The following GSG1 variants were observed in gnomAD, a reference collection of about 807,000 sequenced individuals.
The protein encoded by GSG1 is germ cell-specific gene 1 protein.
GSG1 carries 28 observed loss-of-function variants against 30.8 expected under a neutral mutation model. That is an observed-to-expected ratio of 0.91 (90% confidence interval 0.67 to 1.25). The LOEUF (loss-of-function observed/expected upper bound fraction) is 1.25. Ranked by LOEUF, GSG1 falls within the 50% of genes most tolerant of loss-of-function variation. The pLI is 0.00. For missense variants in GSG1, 435 were observed against 444.7 expected (o/e 0.98, Z 0.20); for synonymous variants, 162 against 178.0 (o/e 0.91, Z 0.71).
intron 1 of GSG1, among the ~76,000 whole-genome samples, chr12:13,099,750 G>GTTTTGTTTTTTTTTTTTTTTT: frequency 8.7e-6 from 1 of 114,834 alleles, no homozygotes; most frequent in Non-Finnish European, 1.8e-5. Context: ...GTTTTTTTTT[G>GTTTTGTTTTTTTTTTTTTTTT]TTTTTTTTTT....
chr12:13,095,581 G>A lies in GSG1; in HGVS notation c.49-4763C>T, dbSNP rs780271279. The A allele has an allele frequency of 2.5e-6, 4 of 1,613,344 alleles. No homozygotes were observed. The East Asian group carries it at 6.7e-5, about 27-fold the overall frequency. ...TGTAGACTGCATCCTTTGAGCAATAGGAGGGGAAGCCGGTTACCTTGGCCA... is the reference window on the plus strand; with the variant it reads ...TGTAGACTGCATCCTTTGAGCAATAAGAGGGGAAGCCGGTTACCTTGGCCA... On this transcript the variant is annotated intron_variant, in intron 1 of 6. Transcript: ENST00000651961.
In GSG1 at chr12:13,089,235, GA is replaced by G; in HGVS notation, c.405del (p.Arg136GlyfsTer50). On this transcript the variant is annotated frameshift_variant, in exon 3 of 7. Transcript: ENST00000651961. LOFTEE classifies it high-confidence loss of function. ...TTTGCTGCCGCTGTACCACTGGACC[GA>G]AGGGCTCTAAATTGTTTCCAGGACT... Reference protein sequence around the residue: ...HPQSWKQFRALRSSGTAAAKG... With the variant: ...HPQSWKQFRAXRSSGTAAAKG... 1 of 1,558,936 alleles carries G rather than the reference GA, an allele frequency of 6.4e-7. No individual in the cohort carries two copies. Among genetic ancestry groups the G allele is most frequent in the East Asian group, 2.4e-5 (1 of 41,772 alleles).
intron 1 of GSG1, among the ~76,000 whole-genome samples, chr12:13,098,538 T>A (rs142988526): frequency 7.7e-6 from 1 of 129,568 alleles, no homozygotes; most frequent in East Asian, 2.6e-4. Context: ...CCTCAAATAC[T>A]TCCCATGGGA....
At chr12:13,096,274 C>A (rs895979469) in intron 1 of GSG1, among the ~76,000 whole-genome samples, 26 of 151,794 alleles carry the variant, frequency 1.7e-4, no homozygotes, top group African/African-American at 4.6e-4. Context: ...GAGATTGAGA[C>A]CATCCTGGCT....
intron 1 of GSG1, among the ~76,000 whole-genome samples, chr12:13,098,635 C>T (rs1326545389): frequency 6.6e-6 from 1 of 151,958 alleles, no homozygotes; most frequent in African/African-American, 2.4e-5. Context: ...TATCTTCAGT[C>T]CCTTTCCACC....
rs1006219679 is a variant in GSG1, at chr12:13,085,035, G to A, written c.955C>T (p.His319Tyr). Residue 319 changes from histidine (H) to tyrosine (Y), a missense_variant, in exon 7 of 7, where the codon CAT becomes TAT. His to Tyr is a moderately conservative substitution (Grantham distance 83, BLOSUM62 2). Coordinates refer to ENST00000651961, the MANE Select transcript of GSG1 (RefSeq NM_001080555.4). ...VGPLTSYHQY[H>Y]NQPIHSVSEG... ...GAGACAGAGTGGATGGGCTGATTAT[G>A]ATACTGGTGGTAGCTGGTCAAAGGA... The A allele has an allele frequency of 1.3e-6, 2 of 1,581,248 alleles. No individual in the cohort carries two copies. The highest frequency in any genetic ancestry group is 1.7e-4 in the Middle Eastern group (1 of 6,038).
At position 13,087,952 on chromosome 12, in the gene GSG1, C is replaced by T. The variant is rs770532410; in HGVS notation, c.589G>A (p.Gly197Arg). 1.9e-6 allele frequency: 3 copies of T among 1,614,058 alleles called. No individual in the cohort carries two copies. The African/African-American group carries it at 4.0e-5, about 22-fold the overall frequency. The change falls in exon 5 of 7, where the codon GGG becomes AGG. Residue 197 changes from glycine to arginine, a missense_variant. By Grantham distance (125) the Gly-to-Arg change is moderately radical. Transcript: ENST00000651961. ...DLLLTGNPAC[G>R]LKLSAFAAVS... Reference sequence around the variant, plus strand: ...GCAGCAAAGGCGCTCAGTTTGAGCCCACAGGCAGGGTTCCCAGTGAGTAGC... The same window carrying T: ...GCAGCAAAGGCGCTCAGTTTGAGCCTACAGGCAGGGTTCCCAGTGAGTAGC...
At chr12:13,096,277 T>C (rs994333650) in intron 1 of GSG1, among the ~76,000 whole-genome samples, 2 of 151,844 alleles carry the variant, frequency 1.3e-5, no homozygotes, top group Non-Finnish European at 1.5e-5. Flanking sequence ...ATTGAGACCA[T>C]CCTGGCTAAC....
rs777699632 is a variant in GSG1, at chr12:13,090,760, A to G, written c.107T>C (p.Met36Thr). ...QRTLLSAILS[M>T]LSLSFSTTSL... ...TGTTGTGGAGAAGCTGAGTGATAGCATGCTGAGGATGGCAGATAGGAGTGT... is the reference window on the plus strand; with the variant it reads ...TGTTGTGGAGAAGCTGAGTGATAGCGTGCTGAGGATGGCAGATAGGAGTGT... The change falls in exon 2 of 7, where the codon ATG (methionine) becomes ACG (threonine). Residue 36 changes from methionine (M) to threonine (T), a missense_variant. Physicochemically the swap from Met to Thr is moderately conservative, Grantham distance 81 (BLOSUM62 -1). Transcript: ENST00000651961. The G allele has an allele frequency of 3.5e-5, 56 of 1,614,088 alleles. No individual in the cohort carries two copies. In the Middle Eastern group the frequency reaches 4.9e-4, roughly 14 times the overall value.
intron 6 of GSG1, among the ~76,000 whole-genome samples, chr12:13,085,500 C>A (rs978930901): frequency 2.0e-5 from 3 of 151,812 alleles, no homozygotes; most frequent in African/African-American, 7.3e-5. Context: ...CGGTGCCATG[C>A]CCTTTTCTAT....
At chr12:13,095,727 C>T in intron 1 of GSG1, 2 of 1,565,168 alleles carry the variant, frequency 1.3e-6, no homozygotes, top group Non-Finnish European at 1.7e-6. Context: ...CTCCTCCTAC[C>T]CCTCCCCTTC....
At position 13,084,691 on chromosome 12, in the gene GSG1, T is replaced by C. The variant is rs923043394; in HGVS notation, c.*210A>G. ...AAGGGAATTCTGGATGTGTGAGATG[T>C]GGGGTGGGTGAAACAAGATGGAGCT... On this transcript the variant is annotated 3_prime_UTR_variant, in exon 7 of 7. Transcript: ENST00000651961. 6.2e-5 allele frequency: 28 copies of C among 455,040 alleles called. No homozygotes were observed. The highest frequency in any genetic ancestry group is 1.1e-4 in the Non-Finnish European group (28 of 253,602). 28.2% of individuals were successfully genotyped at this position (455,040 alleles called of 1,614,324 possible).
chr12:13,095,867 A>T, intron 1 of GSG1: 3 of 1,248,330 alleles, frequency 2.4e-6, no homozygotes, highest in Non-Finnish European at 3.2e-6. Flanking sequence ...GCCAATGGGG[A>T]TCTGGGATTA....
chr12:13,088,111 G>A (rs1565527359), intron 4 of GSG1, 52 bp from the exon 5 acceptor site: 5 of 1,604,184 alleles, frequency 3.1e-6, no homozygotes, highest in Middle Eastern at 1.7e-4. Context: ...TTAAAAAACT[G>A]AATAAGCGGT....
intron 1 of GSG1, among the ~76,000 whole-genome samples, chr12:13,102,677 G>A (rs1347314152): frequency 6.6e-6 from 1 of 152,232 alleles, no homozygotes; most frequent in East Asian, 1.9e-4. Context: ...TGGAGTGTAT[G>A]TACGTGTGTG....
intron 1 of GSG1, among the ~76,000 whole-genome samples, chr12:13,099,740 GTTTTTTTTTGTTTT>G (rs1863014241): frequency 2.1e-5 from 2 of 95,830 alleles, no homozygotes; most frequent in Non-Finnish European, 4.0e-5. Context: ...GGGATCCGGT[GTTTTTTTTTGTTTT>G]TTTTTTTTTT....
At chr12:13,088,231 G>C (rs138354525) in intron 4 of GSG1, among the ~76,000 whole-genome samples, 172 bp from the exon 5 acceptor site, 1 of 152,170 alleles carries the variant, frequency 6.6e-6, no homozygotes. Flanking sequence ...GTCCTTTGAC[G>C]TCACTCACAG....
At chr12:13,089,338 C>G in intron 2 of GSG1, 62 bp from the exon 3 acceptor site, 1 of 1,548,250 alleles carries the variant, frequency 6.5e-7, no homozygotes, top group Non-Finnish European at 8.7e-7. Context: ...CCTCTTCCAT[C>G]TCGCTTTTAG....
rs1863200923 is a variant in GSG1 at position 13,101,500 on chromosome 12, G to C, written c.48+1965C>G. On this transcript the variant is annotated intron_variant, in intron 1 of 6. Transcript: ENST00000651961. The surrounding 1 kb of genome is among the most constrained non-coding windows in gnomAD (Gnocchi z 5.8). ...CCCGGGGGCCCTCCCAGAGAGCAGG[G>C]ACTGCCAGGGCAGGCCAGGGACCCG... Among the ~76,000 whole-genome samples, 2 of 152,324 alleles carry C rather than the reference G, an allele frequency of 1.3e-5. No individual in the cohort carries two copies. Among genetic ancestry groups the C allele is most frequent in the South Asian group, 4.1e-4 (2 of 4,824 alleles).
Sources: gnomAD v4.1 joint callset for allele counts (sites outside exome capture counted in the v4.1 genomes callset) on GRCh38, gnomAD v4.1.1 for gene constraint, Gnocchi (gnomAD v3.1) non-coding constraint, MANE v1.5 for transcripts, NCBI Gene and HGNC (gene_info 2026-07-23, HGNC 2026-07-21) for gene names.